Variants in EPG5 observed in about 807,000 individuals in gnomAD.
EPG5 encodes the protein ectopic P-granules 5 autophagy tethering factor, also known as ectopic P granules protein 5 homolog.
In EPG5, 159 loss-of-function variants were observed where a neutral mutation model predicts 302.7. The ratio of observed to expected loss-of-function variants is 0.53; its 90% CI spans 0.46 to 0.60. The LOEUF is 0.60. Ranked by LOEUF, EPG5 falls within the 20% of genes least tolerant of loss-of-function variation. The probability of loss-of-function intolerance (pLI) is 0.00; values close to 1 mark genes in which losing one functional copy is unlikely to be tolerated. For synonymous variants in EPG5, 1,158 were observed against 1,136.8 expected, an observed-to-expected ratio of 1.02 and a Z score of -0.37; for missense variants, 2,896 against 3,092.4, an observed-to-expected ratio of 0.94 and a Z score of 1.51.
At chr18:45,839,650 C>A in the EPG5 span, among the ~76,000 whole-genome samples, 6 of 152,178 alleles carry the variant, frequency 3.9e-5, no homozygotes, top group Non-Finnish European at 8.8e-5. Context: ...AGGCTTCACA[C>A]AAGCCGTGCT....
At chr18:45,915,066 G>A (rs1209052003) in intron 20 of EPG5, among the ~76,000 whole-genome samples, 1 of 151,940 alleles carries the variant, frequency 6.6e-6, no homozygotes, top group African/African-American at 2.4e-5. Flanking sequence ...ATCACCTGAG[G>A]TGAGGAGTTC....
the EPG5 span, among the ~76,000 whole-genome samples, chr18:45,815,926 T>C: frequency 6.6e-6 from 1 of 152,208 alleles, no homozygotes; most frequent in African/African-American, 2.4e-5. Context: ...AGCATAGTGC[T>C]AGCACAAAAA....
intron 24 of EPG5, among the ~76,000 whole-genome samples, chr18:45,904,720 T>C (rs1366405861): frequency 6.7e-6 from 1 of 149,140 alleles, no homozygotes; most frequent in Non-Finnish European, 1.5e-5. Flanking sequence ...GATCCTGATT[T>C]AAACTATGAA....
chr18:45,812,645 C>A, the EPG5 span, among the ~76,000 whole-genome samples: 1 of 152,122 alleles, frequency 6.6e-6, no homozygotes, highest in Non-Finnish European at 1.5e-5. Flanking sequence ...CTTTGACAAA[C>A]CTGACAAAAA....
rs750230003 is a variant in EPG5 at position 45,878,389 on chromosome 18, C to G, written c.5929G>C (p.Glu1977Gln). 3 of 1,611,314 alleles carry G rather than the reference C, an allele frequency of 1.9e-6. No individual in the cohort carries two copies. The change falls in exon 34 of 44, where the codon GAG becomes CAG. Residue 1977 changes from glutamate (E) to glutamine (Q), a missense_variant. Glu to Gln is a conservative substitution (Grantham distance 29, BLOSUM62 2). This residue lies in a region of EPG5 where 32 missense variants were observed against 58.4 expected (regional missense o/e 0.55). Coordinates refer to ENST00000282041, the MANE Select transcript of EPG5 (RefSeq NM_020964.3). ...QLFKPWILVL[E>Q]DNESSQQRHY... ...AAAACTGTTTACCTTTCGTTGTCCT[C>G]TAAAACCAGGATCCATGGCTTAAAG... is the stretch of plus-strand genomic sequence containing the variant.
downstream of EPG5, among the ~76,000 whole-genome samples, chr18:45,845,616 C>T (rs917808625): frequency 4.6e-5 from 7 of 152,230 alleles, no homozygotes; most frequent in African/African-American, 1.7e-4. Context: ...GCTGAGTCAG[C>T]ATGGTGTCCT....
chr18:45,925,724 G>A lies in EPG5; in HGVS notation c.2718+14C>T, dbSNP rs1760916073. On this transcript the variant is annotated intron_variant, in intron 14 of 43. Transcript: ENST00000282041. ...TACAACCTCCAGTCTCCAGGGAATG[G>A]TTTGAACACATACCTGTTTAGCAAA... 5 of 1,491,844 alleles carry A rather than the reference G, an allele frequency of 3.4e-6. No homozygotes were observed. Among genetic ancestry groups the A allele is most frequent in the East Asian group, 2.6e-5 (1 of 38,828 alleles). 92.4% of individuals were successfully genotyped at this position (1,491,844 alleles called of 1,614,324 possible).
At chr18:45,823,481 T>G in the EPG5 span, among the ~76,000 whole-genome samples, 1 of 152,270 alleles carries the variant, frequency 6.6e-6, no homozygotes, top group African/African-American at 2.4e-5. Flanking sequence ...AAAGCTGTAT[T>G]TCCTTAACCC....
intron 1 of EPG5, among the ~76,000 whole-genome samples, chr18:45,962,407 C>A (rs918832582): frequency 6.6e-6 from 1 of 152,172 alleles, no homozygotes; most frequent in Non-Finnish European, 1.5e-5. Context: ...AAAGAAAACA[C>A]TATAAAATGC....
intron 27 of EPG5, among the ~76,000 whole-genome samples, chr18:45,896,485 T>TC (rs950041365): frequency 1.3e-5 from 2 of 152,188 alleles, no homozygotes; most frequent in Admixed American, 1.3e-4. Flanking sequence ...TCTCCTTTTT[T>TC]CCCTCTCTCC....
chr18:45,956,603 CCTGA>C (rs773830833), intron 1 of EPG5, among the ~76,000 whole-genome samples: 1 of 151,916 alleles, frequency 6.6e-6, no homozygotes, highest in Non-Finnish European at 1.5e-5. Context: ...ACTACAGGCA[CCTGA>C]CTAATTTTTT....
intron 13 of EPG5, among the ~76,000 whole-genome samples, chr18:45,928,079 C>A (rs1226664023): frequency 6.6e-6 from 1 of 151,906 alleles, no homozygotes; most frequent in Non-Finnish European, 1.5e-5. Flanking sequence ...GCCTGTAATC[C>A]CAGCTACTTG....
the EPG5 span, among the ~76,000 whole-genome samples, chr18:45,826,063 A>T: frequency 3.9e-5 from 6 of 152,224 alleles, no homozygotes; most frequent in Non-Finnish European, 5.9e-5. Context: ...GCGAGCATCC[A>T]GAGGACAATA....
intron 40 of EPG5, among the ~76,000 whole-genome samples, chr18:45,859,792 G>A (rs1478418450): frequency 2.6e-5 from 4 of 152,162 alleles, no homozygotes; most frequent in African/African-American, 9.7e-5. Flanking sequence ...ACTATGACTT[G>A]GCCTGTGACA....
At chr18:45,932,104 A>T (rs1453738656) in intron 11 of EPG5, among the ~76,000 whole-genome samples, 2 of 152,050 alleles carry the variant, frequency 1.3e-5, no homozygotes, top group African/African-American at 4.8e-5. Context: ...AATTGGCATG[A>T]TCATTCTAAC....
chr18:45,868,064 G>A (rs2145281370), intron 36 of EPG5: 2 of 479,684 alleles, frequency 4.2e-6, no homozygotes, highest in South Asian at 3.1e-5. Flanking sequence ...GGAGCTGCAG[G>A]GAGTGTATCA....
At chr18:45,955,816 C>T (rs919738447) in intron 1 of EPG5, among the ~76,000 whole-genome samples, 1 of 152,092 alleles carries the variant, frequency 6.6e-6, no homozygotes, top group Non-Finnish European at 1.5e-5. Context: ...TCCAGGAGCC[C>T]ATACTGACAT....
chr18:45,904,473 C>T (rs1232907263), intron 24 of EPG5, among the ~76,000 whole-genome samples: 1 of 152,096 alleles, frequency 6.6e-6, no homozygotes, highest in Admixed American at 6.5e-5. Flanking sequence ...ATAATCAAAT[C>T]TGAATTAGAT....
rs757162367 is a variant in EPG5 at position 45,930,798 on chromosome 18, GAC to G, written c.2288_2289del (p.Cys763SerfsTer6). On this transcript the variant is annotated frameshift_variant, in exon 12 of 44. Transcript: ENST00000282041. LOFTEE classifies it high-confidence loss of function. ...DPEHFTNFEKCLSSMNSSEEI... is the reference protein window; with the variant it reads ...DPEHFTNFEKXLSSMNSSEEI... ...TCTTCTGAGCTATTCATAGAAGAAAGACACTTCTCAAAGTTGGTAAAATGTTC... is the reference window on the plus strand; with the variant it reads ...TCTTCTGAGCTATTCATAGAAGAAAGACTTCTCAAAGTTGGTAAAATGTTC... 2 of 1,603,488 alleles carry G rather than the reference GAC, an allele frequency of 1.2e-6. No homozygotes were observed. Among genetic ancestry groups the G allele is most frequent in the Admixed American group, 3.5e-5 (2 of 57,132 alleles).
Sources: allele counts gnomAD v4.1 joint callset (sites outside exome capture counted in the v4.1 genomes callset), GRCh38; gene constraint gnomAD v4.1.1; regional missense constraint gnomAD v4.1.1; transcripts MANE v1.5; gene names NCBI Gene and HGNC (gene_info 2026-07-23, HGNC 2026-07-21).